The following IRF7 variants were observed in gnomAD, a reference collection of about 807,000 sequenced individuals.
IRF7 encodes the protein interferon regulatory factor 7.
A neutral mutation model predicts 51.3 loss-of-function variants in IRF7; 67 were observed. The observed-to-expected ratio is 1.31, with a 90% CI of 1.07 to 1.60. The LOEUF is 1.60. Among genes scored for constraint, IRF7 ranks in the 40% most tolerant of loss-of-function variants. The pLI, the probability that IRF7 is intolerant of heterozygous loss-of-function variation, is 0.00. For missense variants in IRF7, 873 were observed against 701.5 expected (o/e 1.24, Z -2.76); for synonymous variants, 427 against 301.3 (o/e 1.42, Z -4.32).
In IRF7 at chr11:613,016, T is replaced by A. The variant is rs1589916871; in HGVS notation, c.1339A>T (p.Ser447Cys). 6.2e-7 allele frequency: 1 copy of A among 1,612,994 alleles called. No individual in the cohort carries two copies. Among genetic ancestry groups the A allele is most frequent in the Non-Finnish European group, 8.5e-7 (1 of 1,179,968 alleles). Reference sequence around the variant, plus strand: ...GGTCTCACCTTCACCAGGACCAGGCTCTTCTCCTTGGGCCTCCCAGCTGAC... The same window carrying A: ...GGTCTCACCTTCACCAGGACCAGGCACTTCTCCTTGGGCCTCCCAGCTGAC... Reference protein sequence around the residue: ...DLSAGRPKEKSLVLVKLEPWL... With the variant: ...DLSAGRPKEKCLVLVKLEPWL... Residue 447 changes from serine to cysteine, a missense_variant, in exon 10 of 11, where the codon AGC becomes TGC. Transcript: ENST00000525445.
At position 614,500 on chromosome 11, in the gene IRF7, G is replaced by A. The variant is rs1314698298; in HGVS notation, c.429C>T (p.Ala143=). The change falls in exon 5 of 11, where the codon GCC becomes GCT. Residue 143 remains alanine (A), a synonymous_variant. Coordinates refer to ENST00000525445, the MANE Select transcript of IRF7 (RefSeq NM_001572.5). ...GPGTDQTEAE[A]PAAVPPPQGG... ...CCTGTGGTGGTGGGACAGCTGCGGGGGCCTCTGCCTCAGTCTGGTCCGTGC... is the reference window on the plus strand; with the variant it reads ...CCTGTGGTGGTGGGACAGCTGCGGGAGCCTCTGCCTCAGTCTGGTCCGTGC... 1 of 1,560,956 alleles carries A rather than the reference G, an allele frequency of 6.4e-7. No individual in the cohort carries two copies.
intron 7 of IRF7, 31 bp downstream of exon 7, chr11:613,920 C>A: frequency 6.2e-7 from 1 of 1,600,282 alleles, no homozygotes; most frequent in South Asian, 1.1e-5. Context: ...TCTCCCTGTG[C>A]CCCAGGCCTC....
In IRF7 at chr11:614,992, G is replaced by A; in HGVS notation, c.199C>T (p.Arg67Cys). 1 of 1,545,750 alleles carries A rather than the reference G, an allele frequency of 6.5e-7. No individual in the cohort carries two copies. The highest frequency in any genetic ancestry group is 8.7e-7 in the Non-Finnish European group (1 of 1,150,952). The change falls in exon 4 of 11, where the codon CGC (arginine) becomes TGC (cysteine). Residue 67 changes from arginine (R) to cysteine (C), a missense_variant. Coordinates refer to ENST00000525445, the MANE Select transcript of IRF7 (RefSeq NM_001572.5). The part of the protein sequence containing the change: ...ARIFKAWAVA[R>C]GRWPPSSRGG... ...CTGCTGCTAGGCGGCCACCTGCCGC[G>A]GGCCACAGCCCAGGCCTGAAGAGGG...
At chr11:615,069 CG>C in intron 3 of IRF7, 27 bp downstream of exon 3, 2 of 1,557,232 alleles carry the variant, frequency 1.3e-6, no homozygotes, top group Admixed American at 1.8e-5. Flanking sequence ...CTCTCCCACC[CG>C]GGGCGGGGCG....
chr11:614,785 G>A lies in IRF7; in HGVS notation c.394+12C>T, dbSNP rs1856723004. ...ACGAATGCCAACGCCCTTGGCAGCC[G>A]GCGTCGCTCACCTCGCCAGCACAGC... On this transcript the variant is annotated intron_variant, in intron 4 of 10. Transcript: ENST00000525445. 8 of 1,528,790 alleles carry A rather than the reference G, an allele frequency of 5.2e-6. No individual in the cohort carries two copies. Among genetic ancestry groups the A allele is most frequent in the Admixed American group, 2.1e-5 (1 of 46,942 alleles). 94.7% of individuals were successfully genotyped at this position (1,528,790 alleles called of 1,614,324 possible). A position where few individuals can be genotyped will look rare whatever the true frequency, so the allele number is the denominator to read the frequency against.
Position 615,405 on chromosome 11 carries a change from A to G in IRF7, c.-41T>C, listed in dbSNP as rs931381470. ...GGCAGTTAGGTGGCGGTCAGGTGTT[A>G]TAACAGGGGAGGTAAGGGCTCCTGT... On this transcript the variant is annotated 5_prime_UTR_variant, in exon 2 of 11. Coordinates refer to ENST00000525445, the MANE Select transcript of IRF7 (RefSeq NM_001572.5). 29 of 1,475,254 alleles carry G rather than the reference A, an allele frequency of 2.0e-5. No homozygotes were observed. The highest frequency in any genetic ancestry group is 1.6e-4 in the African/African-American group (11 of 70,966). The allele number at this position is 1,475,254 out of a possible 1,614,324, so 91.4% of individuals were successfully genotyped here. A position where few individuals can be genotyped will look rare whatever the true frequency, so the allele number is the denominator to read the frequency against.
In IRF7 at chr11:614,708, C is replaced by T. The variant is rs1322795425; in HGVS notation, c.394+89G>A. The T allele has an allele frequency of 2.8e-6, 4 of 1,442,478 alleles. No homozygotes were observed. In the East Asian group the frequency reaches 1.0e-4, roughly 36 times the overall value. The allele number at this position is 1,442,478 out of a possible 1,614,324, so 89.4% of individuals were successfully genotyped here. On this transcript the variant is annotated intron_variant, in intron 4 of 10. Transcript: ENST00000525445. ...CTGCTGGCAGCCTCTCCCAGAACAG[C>T]TTCTAAAACCACAAATCTGACCCAG...
In IRF7 at chr11:615,277, C is replaced by G. The variant is rs763751440; in HGVS notation, c.21-18G>C. On this transcript the variant is annotated intron_variant, in intron 2 of 10. Transcript: ENST00000525445. Reference sequence around the variant, plus strand: ...GGGCTGCCCTGCGGGTGCCCGGCCGCGGAGAGTCAGGGCCGGCTGCAGGGC... The same window carrying G: ...GGGCTGCCCTGCGGGTGCCCGGCCGGGGAGAGTCAGGGCCGGCTGCAGGGC... 2.3e-5 allele frequency: 37 copies of G among 1,580,234 alleles called. No homozygotes were observed. The highest frequency in any genetic ancestry group is 2.9e-5 in the Non-Finnish European group (34 of 1,167,728).
chr11:614,699 C>T, intron 4 of IRF7, 98 bp downstream of exon 4: 2 of 1,428,034 alleles, frequency 1.4e-6, no homozygotes, highest in Non-Finnish European at 1.9e-6. Flanking sequence ...GCAGCCTCTC[C>T]CAGAACAGCT....
Position 613,378 on chromosome 11 carries a change from A to C in IRF7, c.1065T>G (p.Pro355=), listed in dbSNP as rs2133130412. 6.2e-7 allele frequency: 1 copy of C among 1,604,696 alleles called. No homozygotes were observed. Among genetic ancestry groups the C allele is most frequent in the Non-Finnish European group, 8.5e-7 (1 of 1,176,988 alleles). The part of the protein sequence containing the change: ...YTEELLRHVA[P]GLHLELRGPQ... Reference sequence around the variant, plus strand: ...GCCCCCGAAGCTCCAGGTGCAACCCAGGGGCCACGTGCCGCAGCAGTTCCT... The same window carrying C: ...GCCCCCGAAGCTCCAGGTGCAACCCCGGGGCCACGTGCCGCAGCAGTTCCT... Residue 355 remains proline, a synonymous_variant, in exon 9 of 11, where the codon CCT becomes CCG. Coordinates refer to ENST00000525445, the MANE Select transcript of IRF7 (RefSeq NM_001572.5).
At position 613,250 on chromosome 11, in the gene IRF7, C is replaced by A; in HGVS notation, c.1193G>T (p.Arg398Leu). Residue 398 changes from arginine to leucine, a missense_variant, in exon 9 of 11, where the codon CGG becomes CTG. Physicochemically the swap from Arg to Leu is moderately radical, Grantham distance 102. Coordinates refer to ENST00000525445, the MANE Select transcript of IRF7 (RefSeq NM_001572.5). ...GTCGAAGATGGGGGTGTCACAGTTC[C>A]GAGGCAGCAGGCAGGCTGGGGTGGA... is the stretch of plus-strand genomic sequence containing the variant. ...SPSTPACLLPRNCDTPIFDFR... is the reference protein window; with the variant it reads ...SPSTPACLLPLNCDTPIFDFR... 1 of 1,597,538 alleles carries A rather than the reference C, an allele frequency of 6.3e-7. No individual in the cohort carries two copies. The highest frequency in any genetic ancestry group is 2.2e-5 in the East Asian group (1 of 44,740).
intron 9 of IRF7, 23 bp downstream of exon 9, chr11:613,183 C>T (rs761295533): frequency 1.1e-5 from 17 of 1,594,168 alleles, no homozygotes; most frequent in Middle Eastern, 1.7e-4. Context: ...GGAGACAGCC[C>T]CCCAGGCAAG....
chr11:613,850 G>A lies in IRF7; in HGVS notation c.782C>T (p.Pro261Leu), dbSNP rs761743145. Residue 261 changes from proline to leucine, a missense_variant, in exon 8 of 11, where the codon CCA becomes CTA. Physicochemically the swap from Pro to Leu is moderately conservative, Grantham distance 98. Coordinates refer to ENST00000525445, the MANE Select transcript of IRF7 (RefSeq NM_001572.5). ...AALTTGEAAAPESPHQAEPYL... is the reference protein window; with the variant it reads ...AALTTGEAAALESPHQAEPYL... ...CGGCTCTGCCTGGTGCGGGGACTCT[G>A]GGGCCGCGGCCTCGCCTGCATCCGG... 3.1e-6 allele frequency: 5 copies of A among 1,598,994 alleles called. No homozygotes were observed. The highest frequency in any genetic ancestry group is 4.3e-6 in the Non-Finnish European group (5 of 1,174,508).
At position 615,456 on chromosome 11, in the gene IRF7, C is replaced by T. The variant is rs1010109220; in HGVS notation, c.-92G>A. Reference sequence around the variant, plus strand: ...CGCAGCAGACGCCAGGCCGCGGCCACAGGTCGTGTGGCCAGGTGTCACAGG... The same window carrying T: ...CGCAGCAGACGCCAGGCCGCGGCCATAGGTCGTGTGGCCAGGTGTCACAGG... On this transcript the variant is annotated 5_prime_UTR_variant, in exon 2 of 11. It adds an upstream start codon to the 5' untranslated region. Coordinates refer to ENST00000525445, the MANE Select transcript of IRF7 (RefSeq NM_001572.5). 4 of 1,399,838 alleles carry T rather than the reference C, an allele frequency of 2.9e-6. No homozygotes were observed. The highest frequency in any genetic ancestry group is 2.8e-6 in the Non-Finnish European group (3 of 1,065,272). The allele number at this position is 1,399,838 out of a possible 1,614,324, so 86.7% of individuals were successfully genotyped here. A position where few individuals can be genotyped will look rare whatever the true frequency, so the allele number is the denominator to read the frequency against.
Position 615,209 on chromosome 11 carries a change from C to T in IRF7, c.71G>A (p.Ser24Asn). 1.9e-6 allele frequency: 3 copies of T among 1,598,712 alleles called. No individual in the cohort carries two copies. Among genetic ancestry groups the T allele is most frequent in the Admixed American group, 3.4e-5 (2 of 59,034 alleles). ...CCACTGCAGCCCCTCATAGCAGCCG[C>T]TGCTGATCTCTCCAAGGAGCCACTC... ...FGEWLLGEIS[S>N]GCYEGLQWLD... Residue 24 changes from serine (S) to asparagine (N), a missense_variant, in exon 3 of 11, where the codon AGC (serine) becomes AAC (asparagine). Ser to Asn is a conservative substitution (Grantham distance 46). Coordinates refer to ENST00000525445, the MANE Select transcript of IRF7 (RefSeq NM_001572.5).
chr11:614,123 C>A (rs996454184), intron 6 of IRF7, 51 bp downstream of exon 6: 1 of 1,588,404 alleles, frequency 6.3e-7, no homozygotes, highest in Non-Finnish European at 8.6e-7. Flanking sequence ...AGTGTCCGTC[C>A]AGGTGCACTG....
In IRF7 at chr11:615,559, G is replaced by A. The variant is rs761734868; in HGVS notation, c.-195C>T. 8.8e-5 allele frequency: 50 copies of A among 568,218 alleles called. No homozygotes were observed. Among genetic ancestry groups the A allele is most frequent in the Non-Finnish European group, 1.2e-4 (42 of 337,830 alleles). The allele number at this position is 568,218 out of a possible 1,614,324, so 35.2% of individuals were successfully genotyped here. ...GATCTCTTGGCAGAGGGGGCTACAGGTGTGACTGCAGGTGTGGCCGGCGCG... is the reference window on the plus strand; with the variant it reads ...GATCTCTTGGCAGAGGGGGCTACAGATGTGACTGCAGGTGTGGCCGGCGCG... On this transcript the variant is annotated 5_prime_UTR_variant, in exon 2 of 11. Coordinates refer to ENST00000525445, the MANE Select transcript of IRF7 (RefSeq NM_001572.5).
At chr11:612,868 T>G in intron 10 of IRF7, 68 bp from the exon 11 acceptor site, 1 of 1,589,490 alleles carries the variant, frequency 6.3e-7, no homozygotes, top group Admixed American at 1.7e-5. Flanking sequence ...CCCCAGGCTC[T>G]GAGGGCGTCG....
rs2133150993 is a variant in IRF7, at chr11:615,139, G to A, written c.141C>T (p.Phe47=). The stretch of plus-strand genomic sequence containing the variant: ...CGGCCTCGCTCAGGTCCTTGCGCGC[G>A]AAGTGCTTCCAGGGCACGCGGAAAC... ...RTCFRVPWKH[F]ARKDLSEADA... is the part of the protein sequence containing the mutation. The change falls in exon 3 of 11, where the codon TTC becomes TTT. Residue 47 remains phenylalanine (F), a synonymous_variant. Coordinates refer to ENST00000525445, the MANE Select transcript of IRF7 (RefSeq NM_001572.5). The A allele has an allele frequency of 1.9e-6, 3 of 1,602,870 alleles. No individual in the cohort carries two copies. Among genetic ancestry groups the A allele is most frequent in the Non-Finnish European group, 2.5e-6 (3 of 1,179,036 alleles).
Sources: allele counts gnomAD v4.1 joint callset, GRCh38; gene constraint gnomAD v4.1.1; transcripts MANE v1.5; gene names NCBI Gene and HGNC (gene_info 2026-07-23, HGNC 2026-07-21).